KALRN: variants seen among roughly 807,000 people sequenced by gnomAD.
KALRN encodes kalirin RhoGEF kinase.
In KALRN, 70 loss-of-function variants were observed where a neutral mutation model predicts 353.7. The observed-to-expected ratio is 0.20, with a 90% CI of 0.16 to 0.24. The LOEUF is 0.24. Among genes scored for constraint, KALRN ranks in the 10% least tolerant of loss-of-function variants. KALRN has a pLI of 1.00. For missense variants in KALRN, 2,791 were observed against 3,756.7 expected (o/e 0.74, Z 6.72); for synonymous variants, 1,391 against 1,434.8 (o/e 0.97, Z 0.69).
chr3:124,155,186 G>A (rs1216472795), intron 1 of KALRN, among the ~76,000 whole-genome samples: 2 of 152,144 alleles, frequency 1.3e-5, no homozygotes, highest in South Asian at 2.1e-4. Context: ...TACCATTCAG[G>A]ACATAGGCAT....
chr3:124,215,845 G>A (rs754243890), intron 1 of KALRN, among the ~76,000 whole-genome samples: 80 of 152,132 alleles, frequency 5.3e-4, no homozygotes, highest in Non-Finnish European at 7.1e-4. Context: ...AGCCTCACTA[G>A]GAACACTCCA....
intron 6 of KALRN, among the ~76,000 whole-genome samples, chr3:124,311,346 C>T (rs555768469): frequency 1.3e-5 from 2 of 151,728 alleles, no homozygotes; most frequent in East Asian, 1.9e-4. Context: ...GCCTATAGTC[C>T]CAGCTACTGG....
At chr3:124,222,042 G>A (rs1415585045) in intron 1 of KALRN, among the ~76,000 whole-genome samples, 1 of 152,196 alleles carries the variant, frequency 6.6e-6, no homozygotes, top group Non-Finnish European at 1.5e-5. Context: ...GGATAAAGAG[G>A]CATAAGCAGA....
chr3:124,285,538 GGTTT>G (rs1257388294), intron 5 of KALRN, among the ~76,000 whole-genome samples: 3 of 152,042 alleles, frequency 2.0e-5, no homozygotes, highest in Non-Finnish European at 4.4e-5. Flanking sequence ...TAAAATTTTT[GGTTT>G]GTTTGTTTTT....
At position 124,720,474 on chromosome 3, in the gene KALRN, C is replaced by A. The variant is rs1259621989; in HGVS notation, c.*1004C>A. The stretch of plus-strand genomic sequence containing the variant: ...TGATTTCTTCTACAGCTGTAGAATA[C>A]CATCTTTCAGAAAGTTGGCTGGCTT... On this transcript the variant is annotated 3_prime_UTR_variant, in exon 60 of 60. Coordinates refer to ENST00000682506, the MANE Select transcript of KALRN (RefSeq NM_001388419.1). 1 of 152,580 alleles carries A rather than the reference C, an allele frequency of 6.6e-6. No homozygotes were observed. Among genetic ancestry groups the A allele is most frequent in the Non-Finnish European group, 1.5e-5 (1 of 68,032 alleles). 9.5% of individuals were successfully genotyped at this position (152,580 alleles called of 1,614,324 possible).
chr3:124,123,331 A>G (rs2064256359), intron 1 of KALRN, among the ~76,000 whole-genome samples: 1 of 152,212 alleles, frequency 6.6e-6, no homozygotes, highest in South Asian at 2.1e-4. Context: ...AGAAGGGGAA[A>G]CAACTTTATT....
At chr3:124,316,614 G>A (rs562818026) in intron 6 of KALRN, among the ~76,000 whole-genome samples, 9 of 152,192 alleles carry the variant, frequency 5.9e-5, no homozygotes, top group Non-Finnish European at 1.2e-4. Flanking sequence ...ACTTCATTCA[G>A]GGTCAAGCTC....
At chr3:124,708,906 G>C (rs992499494) in intron 57 of KALRN, among the ~76,000 whole-genome samples, 1 of 151,992 alleles carries the variant, frequency 6.6e-6, no homozygotes, top group South Asian at 2.1e-4. Flanking sequence ...CATTTAGGTA[G>C]AACAGTGACT....
At chr3:124,638,436 T>C (rs2081617992) in intron 37 of KALRN, among the ~76,000 whole-genome samples, 1 of 151,996 alleles carries the variant, frequency 6.6e-6, no homozygotes, top group African/African-American at 2.4e-5. Flanking sequence ...CCAGCAGGAG[T>C]TAAGTACTCT....
At chr3:124,142,844 A>T (rs1231127049) in intron 1 of KALRN, among the ~76,000 whole-genome samples, 1 of 151,398 alleles carries the variant, frequency 6.6e-6, no homozygotes, top group African/African-American at 2.4e-5. Flanking sequence ...GGTTTCCTTT[A>T]CTCCTCCTTC....
intron 51 of KALRN, among the ~76,000 whole-genome samples, chr3:124,682,634 TG>T (rs1309527821): frequency 6.6e-6 from 1 of 152,212 alleles, no homozygotes; most frequent in Non-Finnish European, 1.5e-5. Flanking sequence ...GGCAGTTTCC[TG>T]GGGTCTTTAC....
chr3:124,352,852 T>G (rs1342152988), intron 10 of KALRN, among the ~76,000 whole-genome samples: 2 of 152,000 alleles, frequency 1.3e-5, no homozygotes, highest in Non-Finnish European at 2.9e-5. Context: ...CATCACACAC[T>G]GGGGCCTGTT....
chr3:124,368,244 C>T (rs1487730986), intron 10 of KALRN, among the ~76,000 whole-genome samples: 4 of 142,026 alleles, frequency 2.8e-5, no homozygotes, highest in South Asian at 2.2e-4. Flanking sequence ...GGGGGGCTGA[C>T]CCCCCCACCT....
At chr3:124,412,896 T>C (rs2092278952) in intron 13 of KALRN, among the ~76,000 whole-genome samples, 1 of 152,212 alleles carries the variant, frequency 6.6e-6, no homozygotes, top group South Asian at 2.1e-4. Context: ...GGACACCAGC[T>C]CTTTAACTGA....
At chr3:124,562,625 T>A in intron 33 of KALRN, 1 of 362,494 alleles carries the variant, frequency 2.8e-6, no homozygotes, top group South Asian at 2.2e-5. Context: ...CTGTGCTAAT[T>A]ACATTTTTTT....
chr3:124,160,899 T>A (rs1439179756), intron 1 of KALRN, among the ~76,000 whole-genome samples: 1 of 151,964 alleles, frequency 6.6e-6, no homozygotes, highest in Non-Finnish European at 1.5e-5. Flanking sequence ...AAATGCTGTA[T>A]AATATTGTAT....
intron 1 of KALRN, among the ~76,000 whole-genome samples, chr3:124,219,062 G>A (rs533492089): frequency 6.6e-6 from 1 of 152,316 alleles, no homozygotes; most frequent in African/African-American, 2.4e-5. Flanking sequence ...AAGCATCATG[G>A]GAGGAAGAGA....
At position 124,674,610 on chromosome 3, in the gene KALRN, A is replaced by C; in HGVS notation, c.7189A>C (p.Ile2397Leu). ...ATAAESSDGS[I>L]KKSCSWHTLR... Reference sequence around the variant, plus strand: ...AGCAGCAGAAAGTAGTGACGGGAGCATCAAGTAAGTGCCTCGTTGGCTTCC... The same window carrying C: ...AGCAGCAGAAAGTAGTGACGGGAGCCTCAAGTAAGTGCCTCGTTGGCTTCC... Residue 2397 changes from isoleucine to leucine, a missense_variant, in exon 49 of 60, where the codon ATC (isoleucine) becomes CTC (leucine). Ile to Leu is a conservative substitution (Grantham distance 5, BLOSUM62 2). This residue lies in a region of KALRN where 1,065 missense variants were observed against 1,156.4 expected (regional missense o/e 0.92). Transcript: ENST00000682506. The C allele has an allele frequency of 6.3e-7, 1 of 1,584,396 alleles. No individual in the cohort carries two copies. Among genetic ancestry groups the C allele is most frequent in the Non-Finnish European group, 8.6e-7 (1 of 1,162,018 alleles).
intron 34 of KALRN, among the ~76,000 whole-genome samples, chr3:124,598,340 G>A (rs1384761376): frequency 3.3e-5 from 5 of 152,160 alleles, no homozygotes; most frequent in Admixed American, 6.5e-5. Context: ...ATCCCAAGGG[G>A]CTTCCCGTAG....
Sources: gnomAD v4.1 joint callset for allele counts (sites outside exome capture counted in the v4.1 genomes callset) on GRCh38, gnomAD v4.1.1 for gene constraint, gnomAD v4.1.1 regional missense constraint, MANE v1.5 for transcripts, NCBI Gene and HGNC (gene_info 2026-07-23, HGNC 2026-07-21) for gene names.